Variants in NRCAM observed in about 807,000 individuals in gnomAD.
NRCAM encodes the protein NgCAM-related cell adhesion molecule.
NRCAM carries 83 observed loss-of-function variants against 156.5 expected under a neutral mutation model. That is an observed-to-expected ratio of 0.53 (90% confidence interval 0.44 to 0.64). The LOEUF (loss-of-function observed/expected upper bound fraction) is 0.64, where lower values mean the gene tolerates loss of function less well. Among genes scored for constraint, NRCAM ranks in the 30% least tolerant of loss-of-function variants. The probability of loss-of-function intolerance (pLI) is 0.00; values close to 1 mark genes in which losing one functional copy is unlikely to be tolerated. For missense variants in NRCAM, 1,417 were observed against 1,597.3 expected (o/e 0.89, Z 1.92); for synonymous variants, 538 against 563.9 (o/e 0.95, Z 0.65).
At chr7:108,173,688 ATTCTT>A (rs2059406780) in intron 28 of NRCAM, among the ~76,000 whole-genome samples, 1 of 152,144 alleles carries the variant, frequency 6.6e-6, no homozygotes, top group Admixed American at 6.6e-5. Context: ...TTTAAACGCT[ATTCTT>A]TTCTTATCTA....
At chr7:108,185,623 C>G (rs3819744) in intron 20 of NRCAM, among the ~76,000 whole-genome samples, 102,749 of 151,234 alleles carry the variant, frequency 0.68, 36,919 homozygotes, top group East Asian at 0.96. Context: ...GGAGGCTGAG[C>G]TAGGAGGATC....
intron 31 of NRCAM, 90 bp downstream of exon 31, chr7:108,160,271 A>G: frequency 7.5e-7 from 1 of 1,324,658 alleles, no homozygotes; most frequent in Middle Eastern, 1.9e-4. Context: ...AAGACAAAAT[A>G]TTACAATCTA....
At chr7:108,230,002 A>C (rs1325508736) in intron 8 of NRCAM, among the ~76,000 whole-genome samples, 3 of 152,192 alleles carry the variant, frequency 2.0e-5, no homozygotes, top group African/African-American at 7.2e-5. Flanking sequence ...GTAAAAATTA[A>C]TGAAATAACC....
intron 3 of NRCAM, among the ~76,000 whole-genome samples, chr7:108,254,334 A>AAT (rs1225316319): frequency 1.3e-5 from 2 of 152,190 alleles, no homozygotes; most frequent in Non-Finnish European, 2.9e-5. Flanking sequence ...AAGATATACA[A>AAT]ATATCTAACA....
At chr7:108,265,031 G>A (rs1010802246) in intron 3 of NRCAM, among the ~76,000 whole-genome samples, 4 of 152,174 alleles carry the variant, frequency 2.6e-5, no homozygotes, top group South Asian at 2.1e-4. Context: ...AGGGGCAATG[G>A]TGGCACCTGT....
chr7:108,213,946 C>T (rs890271525), intron 11 of NRCAM, among the ~76,000 whole-genome samples: 4 of 152,048 alleles, frequency 2.6e-5, no homozygotes, highest in South Asian at 2.1e-4. Context: ...GGGATGAAGC[C>T]GAATTGATTG....
chr7:108,346,202 T>C (rs1483324590), intron 2 of NRCAM, among the ~76,000 whole-genome samples: 1 of 152,152 alleles, frequency 6.6e-6, no homozygotes, highest in Non-Finnish European at 1.5e-5. Context: ...GGGAGGAATT[T>C]TGAGATATCA....
chr7:108,297,254 G>A (rs1362201003), intron 3 of NRCAM, among the ~76,000 whole-genome samples: 2 of 152,158 alleles, frequency 1.3e-5, no homozygotes, highest in Non-Finnish European at 1.5e-5. Context: ...ACAAATGCTA[G>A]ATTTGTTCAT....
intron 1 of NRCAM, among the ~76,000 whole-genome samples, chr7:108,436,263 G>A (rs1031795684): frequency 6.6e-6 from 1 of 152,206 alleles, no homozygotes; most frequent in African/African-American, 2.4e-5. Flanking sequence ...AGACCAACCA[G>A]TTGCAAAGTG....
At chr7:108,160,583 G>T in intron 30 of NRCAM, 91 bp from the exon 31 acceptor site, 1 of 1,122,270 alleles carries the variant, frequency 8.9e-7, no homozygotes, top group Non-Finnish European at 1.2e-6. Context: ...GCCACGTTAT[G>T]TGAGCTTTCA....
chr7:108,431,756 G>C (rs921011142), intron 1 of NRCAM, among the ~76,000 whole-genome samples: 1 of 152,196 alleles, frequency 6.6e-6, no homozygotes, highest in Admixed American at 6.5e-5. Context: ...CTGCACTCCA[G>C]CCTGAGAAAT....
intron 3 of NRCAM, among the ~76,000 whole-genome samples, chr7:108,288,192 C>T (rs542189747): frequency 9.2e-5 from 14 of 152,024 alleles, no homozygotes; most frequent in South Asian, 6.2e-4. Context: ...ACAATGGATA[C>T]GCAGGAATAT....
At chr7:108,455,183 G>A (rs1476495391) in intron 1 of NRCAM, among the ~76,000 whole-genome samples, 1 of 152,118 alleles carries the variant, frequency 6.6e-6, no homozygotes, top group Non-Finnish European at 1.5e-5. Context: ...CGACTCCCTT[G>A]CTCACCCTAC....
In NRCAM at chr7:108,177,994, C is replaced by T. The variant is rs1162401689; in HGVS notation, c.2970G>A (p.Gln990=). The change falls in exon 26 of 33, where the codon CAG becomes CAA. Residue 990 remains glutamine (Q), a synonymous_variant. Coordinates refer to ENST00000379028, the MANE Select transcript of NRCAM (RefSeq NM_001037132.4). The part of the protein sequence containing the change: ...GILTEYTLKY[Q]PINSTHELGP... ...CTCTTCCTCCCAACAGCTTACTTGGCTGATACTTTAAGGTGTACTCTGTCA... is the reference window on the plus strand; with the variant it reads ...CTCTTCCTCCCAACAGCTTACTTGGTTGATACTTTAAGGTGTACTCTGTCA... The T allele has an allele frequency of 5.0e-6, 8 of 1,604,540 alleles. No homozygotes were observed. The highest frequency in any genetic ancestry group is 6.8e-6 in the Non-Finnish European group (8 of 1,175,374).
At position 108,245,502 on chromosome 7, in the gene NRCAM, G is replaced by A. The variant is rs1312377404; in HGVS notation, c.-106-5332C>T. On this transcript the variant is annotated intron_variant, in intron 3 of 32. Transcript: ENST00000379028. The stretch of plus-strand genomic sequence containing the variant: ...TAAAGGAAGAACAATTTAAGACTAT[G>A]TAGACAAGATGTACTTTAAAAAGTT... 1.3e-5 allele frequency among the ~76,000 whole-genome samples: 2 copies of A among 152,136 alleles called. 1 individual carries two copies. Among genetic ancestry groups the A allele is most frequent in the South Asian group, 4.1e-4 (2 of 4,824 alleles).
intron 2 of NRCAM, among the ~76,000 whole-genome samples, chr7:108,335,434 C>CTTTTTTTTTTTTTTTTTTTT (rs58975301): frequency 2.1e-4 from 15 of 69,878 alleles, no homozygotes; most frequent in East Asian, 5.2e-4. Flanking sequence ...GTTCCACCTG[C>CTTTTTTTTTTTTTTTTTTTT]TTTTTTTTTT....
intron 1 of NRCAM, among the ~76,000 whole-genome samples, chr7:108,400,228 G>A (rs142838884): frequency 1.1e-3 from 173 of 152,332 alleles, no homozygotes; most frequent in African/African-American, 3.8e-3. Flanking sequence ...CAACTAACAG[G>A]TGTGCTTGAA....
In NRCAM at chr7:108,231,031, A is replaced by C; in HGVS notation, c.550T>G (p.Ser184Ala). The C allele has an allele frequency of 6.2e-7, 1 of 1,602,430 alleles. No homozygotes were observed. The highest frequency in any genetic ancestry group is 8.5e-7 in the Non-Finnish European group (1 of 1,171,102). Residue 184 changes from serine (S) to alanine (A), a missense_variant and splice_region_variant, in exon 8 of 33, where the codon TCC becomes GCC. Ser to Ala is a moderately conservative substitution (Grantham distance 99). This residue lies in a region of NRCAM where 1,238 missense variants were observed against 1,336.4 expected (regional missense o/e 0.93). Transcript: ENST00000379028. ...PPPIIFWMDN[S>A]FQRLPQSERV... ...GAAAGTTCATATTATCAAAACTTAC[A>C]ATTATCCATCCAAAATATTATAGGT...
chr7:108,198,750 T>C (rs2076431658), intron 13 of NRCAM, among the ~76,000 whole-genome samples: 1 of 152,186 alleles, frequency 6.6e-6, no homozygotes, highest in South Asian at 2.1e-4. Flanking sequence ...AATGTGAAAA[T>C]ATTTAATTTT....
Sources: allele counts gnomAD v4.1 joint callset (sites outside exome capture counted in the v4.1 genomes callset), GRCh38; gene constraint gnomAD v4.1.1; regional missense constraint gnomAD v4.1.1; transcripts MANE v1.5; gene names NCBI Gene and HGNC (gene_info 2026-07-23, HGNC 2026-07-21).